The following PLEKHG1 variants were observed in gnomAD, a reference collection of about 807,000 sequenced individuals.
PLEKHG1 encodes pleckstrin homology domain-containing family G member 1.
A neutral mutation model predicts 100.8 loss-of-function variants in PLEKHG1; 44 were observed. The ratio of observed to expected loss-of-function variants is 0.44; its 90% CI spans 0.34 to 0.56. The LOEUF (loss-of-function observed/expected upper bound fraction) is 0.56. Among genes scored for constraint, PLEKHG1 ranks in the 20% least tolerant of loss-of-function variants. PLEKHG1 has a pLI of 0.01. For missense variants in PLEKHG1, 1,545 were observed against 1,720.9 expected (o/e 0.90, Z 1.81); for synonymous variants, 640 against 662.5 (o/e 0.97, Z 0.52).
chr6:150,697,108 A>AAAAAGAAG (rs71270304), intron 3 of PLEKHG1, among the ~76,000 whole-genome samples: 423 of 147,244 alleles, frequency 2.9e-3, no homozygotes, highest in African/African-American at 9.6e-3. Context: ...AGAAAAAAAA[A>AAAAAGAAG]AAGAAGAAGA....
intron 3 of PLEKHG1, among the ~76,000 whole-genome samples, chr6:150,782,878 A>T (rs1431575901): frequency 6.6e-6 from 1 of 152,212 alleles, no homozygotes; most frequent in Non-Finnish European, 1.5e-5. Flanking sequence ...ATGAAAGGAC[A>T]AATGAAGATA....
At chr6:150,644,334 G>GGTTTTTTTTTTTTTTTTTTTTTTTTTTT (rs1554255840) in intron 2 of PLEKHG1, among the ~76,000 whole-genome samples, 1 of 117,602 alleles carries the variant, frequency 8.5e-6, no homozygotes, top group African/African-American at 3.5e-5. Context: ...TTCTTTTCGT[G>GGTTTTTTTTTTTTTTTTTTTTTTTTTTT]TTTTTTTTTT....
At chr6:150,745,037 C>T (rs1468718344) in intron 2 of PLEKHG1, among the ~76,000 whole-genome samples, 4 of 152,194 alleles carry the variant, frequency 2.6e-5, no homozygotes, top group Non-Finnish European at 5.9e-5. Context: ...AGTAATGCAG[C>T]CATGTGTCAC....
At chr6:150,700,866 G>A (rs1416682267) in intron 3 of PLEKHG1, among the ~76,000 whole-genome samples, 1 of 151,258 alleles carries the variant, frequency 6.6e-6, no homozygotes, top group African/African-American at 2.5e-5. Flanking sequence ...TCACACATTA[G>A]CTAGGGTTAG....
rs57840463 is a variant in PLEKHG1, at chr6:150,644,334, G to GTTTTTTTTTTTTTTTTTTTT, written c.-158+6227_-158+6228insTTTTTTTTTTTTTTTTTTTT. Among the ~76,000 whole-genome samples the GTTTTTTTTTTTTTTTTTTTT allele has an allele frequency of 6.0e-3, 702 of 117,478 alleles. 48 individuals carry two copies. Among genetic ancestry groups the GTTTTTTTTTTTTTTTTTTTT allele is most frequent in the African/African-American group, 0.016 (460 of 28,570 alleles). 77.1% of individuals were successfully genotyped at this position (117,478 alleles called of 152,430 possible). A position where few individuals can be genotyped will look rare whatever the true frequency, so the allele number is the denominator to read the frequency against. On this transcript the variant is annotated intron_variant, in intron 2 of 3. Coordinates refer to the PLEKHG1 transcript ENST00000367326. ...AAGAGAGTGGTTTTTTTCTTTTCGT[G>GTTTTTTTTTTTTTTTTTTTT]TTTTTTTTTTTTTTTTTTGTTACAG...
intron 2 of PLEKHG1, among the ~76,000 whole-genome samples, chr6:150,738,461 A>T (rs997923233): frequency 6.6e-6 from 1 of 152,222 alleles, no homozygotes; most frequent in African/African-American, 2.4e-5. Flanking sequence ...TCCTAACCCC[A>T]GTTGAGCAAT....
In PLEKHG1 at chr6:150,840,440, T is replaced by G. The variant is rs763943684; in HGVS notation, c.3702T>G (p.Thr1234=). ...TTGCTGACTCGCATCAACAGGGCAC[T>G]GAAAAACTCTCAGATCTCACACTCC... is the stretch of plus-strand genomic sequence containing the variant. The change falls in exon 16 of 16, where the codon ACT becomes ACG. Residue 1234 remains threonine, a synonymous_variant. Coordinates refer to ENST00000358517, the Ensembl canonical transcript of PLEKHG1. The G allele has an allele frequency of 6.8e-6, 11 of 1,614,094 alleles. No individual in the cohort carries two copies. In the Admixed American group the frequency reaches 1.0e-4, roughly 15 times the overall value.
chr6:150,718,911 G>C (rs192524499), upstream of PLEKHG1, among the ~76,000 whole-genome samples: 653 of 151,314 alleles, frequency 4.3e-3, 6 homozygotes, highest in African/African-American at 0.015. Flanking sequence ...AAATGTGTTT[G>C]TGTGTGTGTG....
rs560878787 is a variant in PLEKHG1, at chr6:150,824,031, A to G, written c.1470+355A>G. Among the ~76,000 whole-genome samples, 7 of 152,282 alleles carry G rather than the reference A, an allele frequency of 4.6e-5. No individual in the cohort carries two copies. In the East Asian group the frequency reaches 1.3e-3, roughly 29 times the overall value. On this transcript the variant is annotated intron_variant, in intron 14 of 15. Coordinates refer to ENST00000358517, the Ensembl canonical transcript of PLEKHG1. ...CTTTGCCACCACCAGTGTAAGACCAATGCCCCTGCCTCCTGGATATAACTC... is the reference window on the plus strand; with the variant it reads ...CTTTGCCACCACCAGTGTAAGACCAGTGCCCCTGCCTCCTGGATATAACTC...
chr6:150,778,665 G>A (rs1323762882), intron 3 of PLEKHG1, among the ~76,000 whole-genome samples: 1 of 152,040 alleles, frequency 6.6e-6, no homozygotes, highest in Non-Finnish European at 1.5e-5. Context: ...CATGGGACAG[G>A]GCCTTTGTCC....
At chr6:150,777,448 T>C (rs1259040414) in intron 3 of PLEKHG1, among the ~76,000 whole-genome samples, 1 of 147,272 alleles carries the variant, frequency 6.8e-6, no homozygotes, top group African/African-American at 2.5e-5. Flanking sequence ...ACATGTGCGG[T>C]TGCACATCAG....
intron 1 of PLEKHG1, among the ~76,000 whole-genome samples, chr6:150,634,688 G>A (rs1777916856): frequency 6.6e-6 from 1 of 152,198 alleles, no homozygotes; most frequent in Non-Finnish European, 1.5e-5. Flanking sequence ...TTCAATTCCA[G>A]GCTTTAAGCC....
chr6:150,622,909 C>A (rs1286754272), intron 1 of PLEKHG1, among the ~76,000 whole-genome samples: 5 of 152,180 alleles, frequency 3.3e-5, no homozygotes, highest in African/African-American at 4.8e-5. Flanking sequence ...GGCATCCCCC[C>A]TCTCAGGGAA....
chr6:150,730,834 G>A (rs761267259), intron 1 of PLEKHG1, among the ~76,000 whole-genome samples: 6 of 151,954 alleles, frequency 3.9e-5, no homozygotes, highest in Non-Finnish European at 5.9e-5. Flanking sequence ...CCTGGGAGGC[G>A]GAGGTTGCAA....
At chr6:150,655,072 C>A (rs368710974) in intron 3 of PLEKHG1, among the ~76,000 whole-genome samples, 11 of 152,140 alleles carry the variant, frequency 7.2e-5, no homozygotes, top group Admixed American at 4.6e-4. Context: ...AAAATATGCA[C>A]AGAATTACAG....
chr6:150,607,050 C>T (rs1043367994), intron 1 of PLEKHG1, among the ~76,000 whole-genome samples: 2 of 152,094 alleles, frequency 1.3e-5, no homozygotes, highest in African/African-American at 2.4e-5. Flanking sequence ...TCCAACTTCT[C>T]GTGTGATTAA....
intron 7 of PLEKHG1, 88 bp from the exon 9 acceptor site, chr6:150,809,017 C>A: frequency 8.8e-7 from 1 of 1,134,084 alleles, no homozygotes; most frequent in Non-Finnish European, 1.3e-6. Context: ...GATTTGGCAC[C>A]ATTCTTGAGG....
intron 1 of PLEKHG1, among the ~76,000 whole-genome samples, chr6:150,607,622 C>CA (rs1254204697): frequency 6.6e-6 from 1 of 152,124 alleles, no homozygotes; most frequent in East Asian, 1.9e-4. Flanking sequence ...AGGTCAGAGT[C>CA]AAAGATCTGG....
At chr6:150,707,811 G>A (rs1384387914) in intron 3 of PLEKHG1, among the ~76,000 whole-genome samples, 1 of 152,138 alleles carries the variant, frequency 6.6e-6, no homozygotes, top group African/African-American at 2.4e-5. Flanking sequence ...CCAGCCCTGT[G>A]GGTACAGGTA....
Sources: allele counts gnomAD v4.1 joint callset (sites outside exome capture counted in the v4.1 genomes callset), GRCh38; gene constraint gnomAD v4.1.1; transcripts MANE v1.5; gene names NCBI Gene and HGNC (gene_info 2026-07-23, HGNC 2026-07-21).